Variants in ANKRD16 observed in about 807,000 individuals in gnomAD.
ANKRD16 encodes the protein ankyrin repeat domain 16, also known as ankyrin repeat domain-containing protein 16.
Under a neutral mutation model 37.9 loss-of-function variants are expected in ANKRD16, and 35 were observed. The ratio of observed to expected loss-of-function variants is 0.92; its 90% confidence interval spans 0.71 to 1.23. The LOEUF (loss-of-function observed/expected upper bound fraction) is 1.23. Ranked by LOEUF, ANKRD16 falls within the 50% of genes most tolerant of loss-of-function variation. ANKRD16 has a pLI of 0.00. For synonymous variants in ANKRD16, 206 were observed against 197.2 expected (o/e 1.04, Z -0.37); for missense variants, 480 against 469.9 (o/e 1.02, Z -0.20).
chr10:5,873,822 G>T (rs546580262), intron 7 of ANKRD16, among the ~76,000 whole-genome samples: 7 of 151,596 alleles, frequency 4.6e-5, no homozygotes, highest in African/African-American at 1.5e-4. Context: ...AAGTTTTTTT[G>T]GTAATATATG....
At chr10:5,873,009 C>A (rs915562858) in intron 7 of ANKRD16, among the ~76,000 whole-genome samples, 2 of 147,666 alleles carry the variant, frequency 1.4e-5, no homozygotes, top group Non-Finnish European at 3.0e-5. Flanking sequence ...ACAGGTGTGC[C>A]CCACCACACC....
Position 5,889,311 on chromosome 10 carries a change from T to C in ANKRD16, c.44A>G (p.Gln15Arg), listed in dbSNP as rs1240213239. The C allele has an allele frequency of 2.2e-6, 3 of 1,340,474 alleles. No individual in the cohort carries two copies. Among genetic ancestry groups the C allele is most frequent in the Non-Finnish European group, 1.9e-6 (2 of 1,050,704 alleles). 83.0% of individuals were successfully genotyped at this position (1,340,474 alleles called of 1,614,324 possible). A position where few individuals can be genotyped will look rare whatever the true frequency, so the allele number is the denominator to read the frequency against. ...CTTCAGGGCGCGCAGCCGGCCCTCC[T>C]GCACCAGCCTGCAGAGGCGCCGCGG... The part of the protein sequence containing the change: ...GDPRRLCRLV[Q>R]EGRLRALKEE... The change falls in exon 1 of 8, where the codon CAG becomes CGG. Residue 15 changes from glutamine (Q) to arginine (R), a missense_variant. Coordinates refer to ENST00000380094, the MANE Select transcript of ANKRD16 (RefSeq NM_019046.3).
chr10:5,869,432 T>TG lies in ANKRD16; in HGVS notation c.*34-6742dup, dbSNP rs1424129361. Among the ~76,000 whole-genome samples, 1 of 152,082 alleles carries TG rather than the reference T, an allele frequency of 6.6e-6. No homozygotes were observed. The highest frequency in any genetic ancestry group is 1.5e-5 in the Non-Finnish European group (1 of 68,010). ...GCCCAGCCACCTGTGTCCAGCAAGG[T>TG]GGGGGCCTGAGAAGCACTGCCCAGG... On this transcript the variant is annotated intron_variant, in intron 7 of 7. Coordinates refer to ENST00000380094, the MANE Select transcript of ANKRD16 (RefSeq NM_019046.3). This position sits in a 1 kb window ranked among gnomAD's most constrained non-coding sequence, Gnocchi z 4.0.
rs766032716 is a variant in ANKRD16, at chr10:5,889,163, G to T, written c.192C>A (p.Ile64=). The T allele has an allele frequency of 8.1e-6, 13 of 1,598,458 alleles. No individual in the cohort carries two copies. The highest frequency in any genetic ancestry group is 7.7e-5 in the South Asian group (7 of 90,920). Residue 64 remains isoleucine (I), a synonymous_variant, in exon 1 of 8, where the codon ATC becomes ATA. Coordinates refer to ENST00000380094, the MANE Select transcript of ANKRD16 (RefSeq NM_019046.3). ...GCTTGTAGTCTCGGTTGGTGGCCTC[G>T]ATGTCCATGCCCCAGGCCTCGGCCA... is the stretch of plus-strand genomic sequence containing the variant. ...AYLAEAWGMD[I]EATNRDYKRP... is the part of the protein sequence containing the mutation.
rs1842022580 is a variant in ANKRD16 at position 5,866,874 on chromosome 10, G to A, written c.*34-4183C>T. 1.3e-5 allele frequency among the ~76,000 whole-genome samples: 2 copies of A among 151,596 alleles called. No homozygotes were observed. Among genetic ancestry groups the A allele is most frequent in the Non-Finnish European group, 2.9e-5 (2 of 67,932 alleles). Reference sequence around the variant, plus strand: ...GAGAGGCTGAAAGTCAAAGAGAGAAGGAGAGAGAGGAAGAGACAGACAAAG... The same window carrying A: ...GAGAGGCTGAAAGTCAAAGAGAGAAAGAGAGAGAGGAAGAGACAGACAAAG... On this transcript the variant is annotated intron_variant, in intron 7 of 7. Transcript: ENST00000380094. The surrounding 1 kb of genome is among the most constrained non-coding windows in gnomAD (Gnocchi z 4.3).
chr10:5,882,358 G>A (rs550278091), intron 5 of ANKRD16, among the ~76,000 whole-genome samples: 11 of 151,982 alleles, frequency 7.2e-5, no homozygotes, highest in African/African-American at 1.7e-4. Context: ...CCTGGCCAAC[G>A]TGGTGAAACC....
At chr10:5,888,187 C>G in intron 1 of ANKRD16, 120 bp from the exon 2 acceptor site, 1 of 926,754 alleles carries the variant, frequency 1.1e-6, no homozygotes, top group East Asian at 2.5e-5. Context: ...ATTCAGGGGT[C>G]TGGCAGGCAG....
At chr10:5,888,974 G>A (rs916369116) in intron 1 of ANKRD16, 67 bp downstream of exon 1, 1 of 1,428,332 alleles carries the variant, frequency 7.0e-7, no homozygotes, top group South Asian at 1.4e-5. Context: ...GGACGGAGAA[G>A]CACAGGGAAC....
chr10:5,878,094 T>G lies in ANKRD16; in HGVS notation c.*33+3A>C, dbSNP rs1261140768. 2 of 1,592,000 alleles carry G rather than the reference T, an allele frequency of 1.3e-6. No individual in the cohort carries two copies. Among genetic ancestry groups the G allele is most frequent in the East Asian group, 4.5e-5 (2 of 44,250 alleles). On this transcript the variant is annotated splice_donor_region_variant and intron_variant, in intron 7 of 7. Transcript: ENST00000380094. The surrounding 1 kb of genome is among the most constrained non-coding windows in gnomAD (Gnocchi z 5.1). ...CTGACTTAAGAAGCAGGATATGAAT[T>G]ACCATGCACTTTATTGCCTCCTCTT...
chr10:5,889,606 G>A lies in ANKRD16; in HGVS notation c.-252C>T, dbSNP rs1842562696. The A allele has an allele frequency of 4.4e-6, 1 of 225,050 alleles. No individual in the cohort carries two copies. The highest frequency in any genetic ancestry group is 8.5e-6 in the Non-Finnish European group (1 of 117,180). 13.9% of individuals were successfully genotyped at this position (225,050 alleles called of 1,614,324 possible). A position where few individuals can be genotyped will look rare whatever the true frequency, so the allele number is the denominator to read the frequency against. On this transcript the variant is annotated 5_prime_UTR_variant, in exon 1 of 8. Coordinates refer to ENST00000380094, the MANE Select transcript of ANKRD16 (RefSeq NM_019046.3). ...GCCTGCCCCGCGTGGGAGAAGCCGCGGTTCCGGGCACGGGGCGGTTTTTCC... is the reference window on the plus strand; with the variant it reads ...GCCTGCCCCGCGTGGGAGAAGCCGCAGTTCCGGGCACGGGGCGGTTTTTCC...
intron 4 of ANKRD16, among the ~76,000 whole-genome samples, chr10:5,883,680 TTTG>T (rs1195917860): frequency 6.6e-6 from 1 of 152,170 alleles, no homozygotes; most frequent in Non-Finnish European, 1.5e-5. Context: ...GCAGAGACAG[TTTG>T]TTGTTATTAT....
chr10:5,881,441 TATA>T (rs1564417896), intron 5 of ANKRD16, among the ~76,000 whole-genome samples: 757 of 21,266 alleles, frequency 0.036, 11 homozygotes, highest in Middle Eastern at 0.12. Flanking sequence ...ATATTATTTA[TATA>T]TATATATATA....
In ANKRD16 at chr10:5,863,903, C is replaced by T. The variant is rs78956651; in HGVS notation, c.*34-1212G>A. On this transcript the variant is annotated intron_variant, in intron 7 of 7. Coordinates refer to ENST00000380094, the MANE Select transcript of ANKRD16 (RefSeq NM_019046.3). The surrounding 1 kb of genome is among the most constrained non-coding windows in gnomAD (Gnocchi z 4.7). ...GGAATAAAGTCCGGATACATTTTGG[C>T]GACCCAGATGGGAAACACTCAGGCA... Among the ~76,000 whole-genome samples the T allele has an allele frequency of 0.034, 5,131 of 152,106 alleles. 141 individuals are homozygous for T. The highest frequency in any genetic ancestry group is 0.085 in the South Asian group (412 of 4,820).
chr10:5,875,673 TTATTC>T (rs1006728009), intron 7 of ANKRD16, among the ~76,000 whole-genome samples: 2 of 152,086 alleles, frequency 1.3e-5, no homozygotes, highest in African/African-American at 4.8e-5. Flanking sequence ...CATCTGGTTA[TTATTC>T]TATTATTGCT....
At chr10:5,867,803 T>C (rs1034073385) in intron 7 of ANKRD16, among the ~76,000 whole-genome samples, 8 of 152,144 alleles carry the variant, frequency 5.3e-5, no homozygotes, top group African/African-American at 1.9e-4. Context: ...CTCAGACAGC[T>C]TGCAAGAAAT....
chr10:5,878,829 G>GC lies in ANKRD16; in HGVS notation c.929-543dup, dbSNP rs1842230342. On this transcript the variant is annotated intron_variant, in intron 6 of 7. Coordinates refer to ENST00000380094, the MANE Select transcript of ANKRD16 (RefSeq NM_019046.3). The surrounding 1 kb of genome is among the most constrained non-coding windows in gnomAD (Gnocchi z 5.1). Reference sequence around the variant, plus strand: ...AAAAGAAACTTATCTAAAGCAAGAAGCAACAGAGCAAGTTAACAAGATATA... The same window carrying GC: ...AAAAGAAACTTATCTAAAGCAAGAAGCCAACAGAGCAAGTTAACAAGATATA... Among the ~76,000 whole-genome samples the GC allele has an allele frequency of 6.6e-6, 1 of 151,272 alleles. No homozygotes were observed. Among genetic ancestry groups the GC allele is most frequent in the Non-Finnish European group, 1.5e-5 (1 of 67,856 alleles).
At chr10:5,876,036 A>G (rs968135732) in intron 7 of ANKRD16, among the ~76,000 whole-genome samples, 1 of 152,180 alleles carries the variant, frequency 6.6e-6, no homozygotes, top group African/African-American at 2.4e-5. Context: ...GGCGCATGCC[A>G]CCACGCCGGG....
At chr10:5,881,340 G>A (rs1379744011) in intron 5 of ANKRD16, among the ~76,000 whole-genome samples, 1 of 149,148 alleles carries the variant, frequency 6.7e-6, no homozygotes, top group Non-Finnish European at 1.5e-5. Flanking sequence ...TTAGGGGAGA[G>A]ATAAACTAGA....
rs180698666 is a variant in ANKRD16 at position 5,867,999 on chromosome 10, G to A, written c.*34-5308C>T. The stretch of plus-strand genomic sequence containing the variant: ...GGGATAGTACGAGATGCCGCCTGGC[G>A]TTTACAGGAAAAGGCTTCTGAAATC... On this transcript the variant is annotated intron_variant, in intron 7 of 7. Coordinates refer to ENST00000380094, the MANE Select transcript of ANKRD16 (RefSeq NM_019046.3). Among the ~76,000 whole-genome samples, 129 of 152,262 alleles carry A rather than the reference G, an allele frequency of 8.5e-4. 4 individuals carry two copies. In the East Asian group the frequency reaches 0.013, roughly 15 times the overall value.
Sources: gnomAD v4.1 joint callset for allele counts (sites outside exome capture counted in the v4.1 genomes callset) on GRCh38, gnomAD v4.1.1 for gene constraint, Gnocchi (gnomAD v3.1) non-coding constraint, MANE v1.5 for transcripts, NCBI Gene and HGNC (gene_info 2026-07-23, HGNC 2026-07-21) for gene names.